Variants in CRB1 observed in about 807,000 individuals in gnomAD.
CRB1 encodes protein crumbs homolog 1.
Under a neutral mutation model 120.0 loss-of-function variants are expected in CRB1, and 83 were observed. The observed-to-expected ratio is 0.69, with a 90% CI of 0.58 to 0.83. The LOEUF is 0.83. CRB1 is among the 40% of genes least tolerant of loss of function. CRB1 has a pLI of 0.00. For missense variants in CRB1, 1,699 were observed against 1,687.6 expected (o/e 1.01, Z -0.12); for synonymous variants, 625 against 612.5 (o/e 1.02, Z -0.30).
At chr1:197,273,557 C>A (rs1289190836) in intron 1 of CRB1, among the ~76,000 whole-genome samples, 2 of 152,092 alleles carry the variant, frequency 1.3e-5, no homozygotes, top group African/African-American at 2.4e-5. Flanking sequence ...ATTCGAAATT[C>A]TTCTGCATAG....
the CRB1 span, among the ~76,000 whole-genome samples, chr1:197,220,065 T>C: frequency 6.6e-6 from 1 of 152,180 alleles, no homozygotes; most frequent in Non-Finnish European, 1.5e-5. Context: ...GTTTTTCTGA[T>C]TAGTACATTT....
chr1:197,304,411 A>G, intron 1 of CRB1: 1 of 980,472 alleles, frequency 1.0e-6, no homozygotes, highest in Non-Finnish European at 1.2e-6. Context: ...GTGCTCAGGA[A>G]AGGTAAATGT....
the CRB1 span, among the ~76,000 whole-genome samples, chr1:197,210,401 G>T: frequency 6.6e-6 from 1 of 152,258 alleles, no homozygotes; most frequent in African/African-American, 2.4e-5. Flanking sequence ...TTTTCATGAA[G>T]AAAAAGAAAT....
At chr1:197,306,164 A>G (rs576169983) in intron 1 of CRB1, among the ~76,000 whole-genome samples, 1 of 152,262 alleles carries the variant, frequency 6.6e-6, no homozygotes, top group African/African-American at 2.4e-5. Context: ...TTTCAGAGGA[A>G]GCAGCTGGCC....
At chr1:197,283,590 G>A (rs1655659279) in intron 1 of CRB1, among the ~76,000 whole-genome samples, 1 of 151,678 alleles carries the variant, frequency 6.6e-6, no homozygotes, top group Non-Finnish European at 1.5e-5. Context: ...TTTTATGGCT[G>A]AGTAGTATTC....
chr1:197,402,935 C>G (rs1216702164), intron 5 of CRB1, among the ~76,000 whole-genome samples: 2 of 152,154 alleles, frequency 1.3e-5, no homozygotes, highest in African/African-American at 4.8e-5. Flanking sequence ...TACACTGCAT[C>G]CTTTTCTTCT....
chr1:197,317,002 G>C (rs1657892961), intron 1 of CRB1, among the ~76,000 whole-genome samples: 1 of 151,654 alleles, frequency 6.6e-6, no homozygotes, highest in African/African-American at 2.4e-5. Flanking sequence ...AAAAAACATT[G>C]AGGAGAGAAA....
chr1:197,309,139 T>G (rs1467440653), intron 1 of CRB1, among the ~76,000 whole-genome samples: 2 of 151,936 alleles, frequency 1.3e-5, no homozygotes, highest in Admixed American at 1.3e-4. Flanking sequence ...CTCACATATA[T>G]TCATCAGTGT....
intron 1 of CRB1, among the ~76,000 whole-genome samples, chr1:197,318,099 A>T (rs943229402): frequency 6.6e-5 from 10 of 152,182 alleles, no homozygotes; most frequent in Non-Finnish European, 1.5e-5. Context: ...AAAACTCTAC[A>T]TCTAATAAGG....
At chr1:197,397,157 G>C (rs999483962) in intron 5 of CRB1, among the ~76,000 whole-genome samples, 1 of 152,002 alleles carries the variant, frequency 6.6e-6, no homozygotes, top group African/African-American at 2.4e-5. Context: ...ACATAAGATA[G>C]CAAATAAGCA....
intron 11 of CRB1, among the ~76,000 whole-genome samples, chr1:197,467,316 A>G (rs1666792194): frequency 6.6e-6 from 1 of 152,058 alleles, no homozygotes; most frequent in South Asian, 2.1e-4. Flanking sequence ...ATCTCTGTCC[A>G]TATACATGTA....
At chr1:197,299,805 A>G (rs1656762015) in intron 1 of CRB1, among the ~76,000 whole-genome samples, 1 of 150,532 alleles carries the variant, frequency 6.6e-6, no homozygotes, top group African/African-American at 2.5e-5. Context: ...TGTACTTCAC[A>G]GTAATGTGCT....
chr1:197,347,035 T>G (rs1327937311), intron 3 of CRB1, among the ~76,000 whole-genome samples: 1 of 152,214 alleles, frequency 6.6e-6, no homozygotes, highest in Non-Finnish European at 1.5e-5. Context: ...GTCTATTCTT[T>G]ATATGCATAC....
At chr1:197,249,601 T>G in the CRB1 span, among the ~76,000 whole-genome samples, 1 of 151,626 alleles carries the variant, frequency 6.6e-6, no homozygotes, top group African/African-American at 2.4e-5. Context: ...ATGTTCAGAG[T>G]TTTTATTTCC....
chr1:197,318,280 C>T (rs1041691677), intron 1 of CRB1, among the ~76,000 whole-genome samples: 2 of 152,042 alleles, frequency 1.3e-5, no homozygotes, highest in Non-Finnish European at 2.9e-5. Flanking sequence ...AAAGGCAAAT[C>T]AAGATGACAG....
chr1:197,238,456 C>T, the CRB1 span, among the ~76,000 whole-genome samples: 1 of 151,904 alleles, frequency 6.6e-6, no homozygotes. Context: ...TTTCTCTCAC[C>T]TTAAATATTT....
chr1:197,307,310 G>A (rs1383295710), intron 1 of CRB1, among the ~76,000 whole-genome samples: 2 of 152,110 alleles, frequency 1.3e-5, no homozygotes, highest in Non-Finnish European at 2.9e-5. Flanking sequence ...CTGCAAATGA[G>A]GATGTTAAAA....
the CRB1 span, chr1:197,222,328 A>G: frequency 1.4e-6 from 1 of 727,614 alleles, no homozygotes; most frequent in Non-Finnish European, 2.6e-6. Context: ...ATACCGGGAG[A>G]GTGAATCCCA....
chr1:197,295,683 T>C (rs926084136), intron 1 of CRB1, among the ~76,000 whole-genome samples: 1 of 152,052 alleles, frequency 6.6e-6, no homozygotes, highest in Non-Finnish European at 1.5e-5. Flanking sequence ...TTTATTTTGG[T>C]CACCCTCCTT....
Sources: allele counts gnomAD v4.1 joint callset (sites outside exome capture counted in the v4.1 genomes callset), GRCh38; gene constraint gnomAD v4.1.1; transcripts MANE v1.5; gene names NCBI Gene and HGNC (gene_info 2026-07-23, HGNC 2026-07-21).